The following PDE3B variants were observed in gnomAD, a reference collection of about 807,000 sequenced individuals.
PDE3B encodes phosphodiesterase 3B, also known as cGMP-inhibited 3',5'-cyclic phosphodiesterase 3B.
In PDE3B, 66 loss-of-function variants were observed where a neutral mutation model predicts 116.8. That is an observed-to-expected ratio of 0.56 (90% CI 0.46 to 0.69). The LOEUF is 0.69. Among genes scored for constraint, PDE3B ranks in the 30% least tolerant of loss-of-function variants. PDE3B has a pLI of 0.00. For synonymous variants in PDE3B, 595 were observed against 533.6 expected, an observed-to-expected ratio of 1.12 and a Z score of -1.59; for missense variants, 1,384 against 1,368.1, an observed-to-expected ratio of 1.01 and a Z score of -0.18.
chr11:14,721,351 T>C (rs1055370927), intron 1 of PDE3B, among the ~76,000 whole-genome samples: 2 of 151,854 alleles, frequency 1.3e-5, no homozygotes, highest in African/African-American at 4.8e-5. Context: ...ACAACCATTG[T>C]GGAAGTCAGT....
At chr11:14,727,739 C>CAGG (rs1856350142) in intron 1 of PDE3B, among the ~76,000 whole-genome samples, 1 of 152,008 alleles carries the variant, frequency 6.6e-6, no homozygotes, top group African/African-American at 2.4e-5. Context: ...GTTTTCTAAA[C>CAGG]TGCATTTTTT....
chr11:14,897,182 A>G, the PDE3B span, among the ~76,000 whole-genome samples: 1 of 152,360 alleles, frequency 6.6e-6, no homozygotes, highest in Admixed American at 6.5e-5. Flanking sequence ...AGTGCAGAGG[A>G]AGTGTATATG....
Position 14,867,616 on chromosome 11 carries a change from G to A in PDE3B, c.2997G>A (p.Leu999=), listed in dbSNP as rs1555008282. 3 of 1,613,914 alleles carry A rather than the reference G, an allele frequency of 1.9e-6. No individual in the cohort carries two copies. The highest frequency in any genetic ancestry group is 2.5e-6 in the Non-Finnish European group (3 of 1,179,978). ...TTATCACCCACATAGTGGGTCCCCT[G>A]TGTAACTCCTATGATGCTGCTGGTT... The part of the protein sequence containing the change: ...ESFITHIVGP[L]CNSYDAAGLL... Residue 999 remains leucine (L), a synonymous_variant, in exon 15 of 16, where the codon CTG becomes CTA. Transcript: ENST00000282096.
At chr11:14,693,582 C>G (rs973701133) in intron 1 of PDE3B, among the ~76,000 whole-genome samples, 1 of 152,142 alleles carries the variant, frequency 6.6e-6, no homozygotes, top group African/African-American at 2.4e-5. Flanking sequence ...AACAACAAAG[C>G]CTAGATGACA....
the PDE3B span, among the ~76,000 whole-genome samples, chr11:14,897,484 T>C: frequency 6.6e-6 from 1 of 152,184 alleles, no homozygotes; most frequent in South Asian, 2.1e-4. Flanking sequence ...AGAAATTCTT[T>C]AGTGTCATTT....
At position 14,871,659 on chromosome 11, in the gene PDE3B, T is replaced by A. The variant is rs536339199; in HGVS notation, c.*1999T>A. Reference sequence around the variant, plus strand: ...TATTGGATTTAATTATAAATCCAATTACTACTGGAAACTCATTTTTACATA... The same window carrying A: ...TATTGGATTTAATTATAAATCCAATAACTACTGGAAACTCATTTTTACATA... On this transcript the variant is annotated 3_prime_UTR_variant, in exon 16 of 16. Coordinates refer to ENST00000282096, the MANE Select transcript of PDE3B (RefSeq NM_000922.4). 11 of 152,136 alleles carry A rather than the reference T, an allele frequency of 7.2e-5. No homozygotes were observed. Among genetic ancestry groups the A allele is most frequent in the South Asian group, 2.1e-4 (1 of 4,828 alleles). The allele number at this position is 152,136 out of a possible 1,614,324, so 9.4% of individuals were successfully genotyped here.
chr11:14,864,063 C>T (rs1306441162), intron 14 of PDE3B, among the ~76,000 whole-genome samples: 4 of 152,158 alleles, frequency 2.6e-5, no homozygotes, highest in African/African-American at 9.7e-5. Flanking sequence ...GGAGACCCAT[C>T]TCACGTGCAG....
At chr11:14,742,825 T>G (rs1320262589) in intron 1 of PDE3B, among the ~76,000 whole-genome samples, 3 of 152,108 alleles carry the variant, frequency 2.0e-5, no homozygotes, top group Non-Finnish European at 4.4e-5. Context: ...CAGGCCCCTA[T>G]GCTGCAGGTC....
intron 1 of PDE3B, among the ~76,000 whole-genome samples, chr11:14,739,536 T>C (rs1337482464): frequency 1.3e-5 from 2 of 152,212 alleles, no homozygotes; most frequent in South Asian, 2.1e-4. Context: ...TATGGAATCA[T>C]GTCATCTACA....
chr11:14,760,276 A>G (rs1195530451), intron 1 of PDE3B, among the ~76,000 whole-genome samples: 1 of 152,220 alleles, frequency 6.6e-6, no homozygotes, highest in African/African-American at 2.4e-5. Flanking sequence ...TAGTGTTCAT[A>G]GATTCTATAA....
At chr11:14,806,833 T>C (rs1190178375) in intron 5 of PDE3B, among the ~76,000 whole-genome samples, 1 of 121,152 alleles carries the variant, frequency 8.3e-6, no homozygotes, top group Non-Finnish European at 1.6e-5. Context: ...CACTCCAGCC[T>C]GGGCGACAGA....
intron 1 of PDE3B, among the ~76,000 whole-genome samples, chr11:14,653,109 G>A (rs947373452): frequency 6.6e-6 from 1 of 152,022 alleles, no homozygotes; most frequent in Non-Finnish European, 1.5e-5. Context: ...CAACTGATTT[G>A]TATGTGTTGA....
chr11:14,840,178 G>A (rs1258216190), intron 11 of PDE3B, among the ~76,000 whole-genome samples: 2 of 152,170 alleles, frequency 1.3e-5, no homozygotes, highest in African/African-American at 4.8e-5. Context: ...TGCAGATAGA[G>A]ATCCCCTTTG....
At chr11:14,894,734 TAG>T in the PDE3B span, among the ~76,000 whole-genome samples, 1 of 152,188 alleles carries the variant, frequency 6.6e-6, no homozygotes, top group Admixed American at 6.5e-5. Context: ...TTTCAGGACA[TAG>T]AGCCTTCCCT....
chr11:14,784,368 TCAAGA>T (rs752707170), intron 2 of PDE3B, among the ~76,000 whole-genome samples: 1 of 152,172 alleles, frequency 6.6e-6, no homozygotes, highest in African/African-American at 2.4e-5. Flanking sequence ...CATCTGATAC[TCAAGA>T]CAAGACAATT....
intron 1 of PDE3B, among the ~76,000 whole-genome samples, chr11:14,660,096 A>C (rs1409261199): frequency 6.6e-6 from 1 of 152,138 alleles, no homozygotes; most frequent in Non-Finnish European, 1.5e-5. Context: ...GGCAATTAAA[A>C]TCCTCCGAAA....
At chr11:14,710,023 A>G (rs1855655472) in intron 1 of PDE3B, among the ~76,000 whole-genome samples, 1 of 152,212 alleles carries the variant, frequency 6.6e-6, no homozygotes, top group African/African-American at 2.4e-5. Flanking sequence ...GTCTTGGGGA[A>G]AAGTTGTAGC....
At chr11:14,832,194 A>G (rs1246069482) in intron 9 of PDE3B, among the ~76,000 whole-genome samples, 3 of 152,120 alleles carry the variant, frequency 2.0e-5, no homozygotes, top group Non-Finnish European at 4.4e-5. Flanking sequence ...TGATTTTACC[A>G]CCCAGACTCA....
intron 6 of PDE3B, 119 bp downstream of exon 6, chr11:14,818,512 C>T (rs772083633): frequency 5.4e-5 from 35 of 642,608 alleles, no homozygotes; most frequent in Admixed American, 1.7e-4. Flanking sequence ...TAGTTTTTTT[C>T]GGTGTTATAA....
Sources: allele counts gnomAD v4.1 joint callset (sites outside exome capture counted in the v4.1 genomes callset), GRCh38; gene constraint gnomAD v4.1.1; transcripts MANE v1.5; gene names NCBI Gene and HGNC (gene_info 2026-07-23, HGNC 2026-07-21).